Variants in CPS1 observed in about 807,000 individuals in gnomAD.
CPS1 encodes carbamoyl-phosphate synthase [ammonia], mitochondrial.
In CPS1, 109 loss-of-function variants were observed where a neutral mutation model predicts 174.6. The observed-to-expected ratio is 0.62, with a 90% confidence interval of 0.53 to 0.73. The LOEUF is 0.73. Ranked by LOEUF, CPS1 falls within the 30% of genes least tolerant of loss-of-function variation. CPS1 has a pLI of 0.00. For synonymous variants in CPS1, 637 were observed against 632.0 expected (o/e 1.01, Z -0.12); for missense variants, 1,689 against 1,821.9 (o/e 0.93, Z 1.33).
At chr2:210,639,411 G>T (rs1700139856) in intron 23 of CPS1, among the ~76,000 whole-genome samples, 196 bp downstream of exon 23, 1 of 151,684 alleles carries the variant, frequency 6.6e-6, no homozygotes, top group Non-Finnish European at 1.5e-5. Context: ...AGGAGATCGA[G>T]ACCATCCTGG....
At position 210,663,127 on chromosome 2, in the gene CPS1, C is replaced by T. The variant is rs1180534932; in HGVS notation, c.3932C>T (p.Pro1311Leu). Reference sequence around the variant, plus strand: ...TGTTTTTTTTTTTTCCAACAGGCTCCCATGTTTTCCTGGCCCCGGTTGAGG... The same window carrying T: ...TGTTTTTTTTTTTTCCAACAGGCTCTCATGTTTTCCTGGCCCCGGTTGAGG... ...IPADYVAIKA[P>L]MFSWPRLRDA... Residue 1311 changes from proline (P) to leucine (L), a missense_variant, in exon 33 of 38, where the codon CCC becomes CTC. By Grantham distance (98) the Pro-to-Leu change is moderately conservative. Coordinates refer to ENST00000233072, the MANE Select transcript of CPS1 (RefSeq NM_001875.5). 2 of 1,613,740 alleles carry T rather than the reference C, an allele frequency of 1.2e-6. No homozygotes were observed. Among genetic ancestry groups the T allele is most frequent in the Non-Finnish European group, 8.5e-7 (1 of 1,179,902 alleles).
At chr2:210,583,970 G>A (rs1165283408) in intron 6 of CPS1, among the ~76,000 whole-genome samples, 2 of 152,028 alleles carry the variant, frequency 1.3e-5, no homozygotes, top group Admixed American at 6.6e-5. Context: ...GGCTGAATGA[G>A]GTCAGGTAAA....
intron 21 of CPS1, among the ~76,000 whole-genome samples, chr2:210,635,825 T>C (rs1324963560): frequency 1.3e-5 from 2 of 152,166 alleles, no homozygotes; most frequent in Admixed American, 6.5e-5. Flanking sequence ...CACACTGATT[T>C]GAGACAGAAG....
At chr2:210,608,290 C>T (rs1185239274) in intron 18 of CPS1, 71 bp from the exon 19 acceptor site, 1 of 1,441,774 alleles carries the variant, frequency 6.9e-7, no homozygotes, top group African/African-American at 1.4e-5. Flanking sequence ...TTAAGAAAGA[C>T]CAATTTATGT....
At chr2:210,513,738 G>A (rs1055685593) in intron 1 of CPS1, among the ~76,000 whole-genome samples, 2 of 151,212 alleles carry the variant, frequency 1.3e-5, no homozygotes, top group African/African-American at 4.8e-5. Flanking sequence ...GTGCTTTTGA[G>A]GACTTAGTCA....
chr2:210,650,470 T>C (rs1202751660), intron 28 of CPS1, 32 bp downstream of exon 28: 2 of 1,424,570 alleles, frequency 1.4e-6, no homozygotes, highest in South Asian at 1.1e-5. Context: ...GTGACTGTTA[T>C]CTCTTAATAA....
intron 7 of CPS1, among the ~76,000 whole-genome samples, chr2:210,588,524 G>T (rs540244256): frequency 2.2e-4 from 34 of 152,124 alleles, no homozygotes; most frequent in African/African-American, 8.2e-4. Context: ...TGTACCACAC[G>T]TTTGTAGGAA....
chr2:210,632,820 C>G (rs1699909393), intron 21 of CPS1, among the ~76,000 whole-genome samples: 1 of 152,216 alleles, frequency 6.6e-6, no homozygotes, highest in African/African-American at 2.4e-5. Flanking sequence ...ATCCAATGAT[C>G]ACACATACCC....
At chr2:210,480,976 G>A (rs1022167129) in intron 1 of CPS1, among the ~76,000 whole-genome samples, 4 of 152,148 alleles carry the variant, frequency 2.6e-5, no homozygotes, top group South Asian at 2.1e-4. Context: ...AGCGCACTAT[G>A]GAACACTTTT....
chr2:210,637,347 A>T (rs1159744875), intron 21 of CPS1, among the ~76,000 whole-genome samples: 1 of 152,206 alleles, frequency 6.6e-6, no homozygotes, highest in Non-Finnish European at 1.5e-5. Flanking sequence ...GTTGAGGAAA[A>T]TGAAAACTGA....
At chr2:210,576,861 A>G (rs1697727743) in intron 3 of CPS1, among the ~76,000 whole-genome samples, 1 of 152,182 alleles carries the variant, frequency 6.6e-6, no homozygotes, top group South Asian at 2.1e-4. Context: ...GGGATGATTT[A>G]AAGATAGCTT....
At chr2:210,507,139 TACCCATAAAGGGAAGCCTATCAGACTA>T (rs1173941985) in intron 1 of CPS1, among the ~76,000 whole-genome samples, 1 of 152,220 alleles carries the variant, frequency 6.6e-6, no homozygotes, top group Non-Finnish European at 1.5e-5. Context: ...AAGGTCGGGT[TACCCATAAAGGGAAGCCTATCAGACTA>T]ACAATGGATC....
At chr2:210,674,775 C>T (rs1701464962) in intron 34 of CPS1, 127 bp from the exon 35 acceptor site, 1 of 805,318 alleles carries the variant, frequency 1.2e-6, no homozygotes, top group Admixed American at 1.9e-5. Context: ...TAAAACTTGT[C>T]ATTTTTTAAT....
At chr2:210,501,209 G>A (rs770497532) in intron 1 of CPS1, among the ~76,000 whole-genome samples, 9 of 152,104 alleles carry the variant, frequency 5.9e-5, no homozygotes, top group African/African-American at 1.2e-4. Flanking sequence ...AGGCCTCTGG[G>A]CCTATAATGG....
intron 28 of CPS1, among the ~76,000 whole-genome samples, chr2:210,653,512 G>A (rs1243984085): frequency 6.6e-6 from 1 of 152,082 alleles, no homozygotes. Context: ...CGAGGTAAAG[G>A]ATTTCATCTT....
chr2:210,641,870 G>A (rs778887216), intron 24 of CPS1, among the ~76,000 whole-genome samples: 9 of 152,220 alleles, frequency 5.9e-5, no homozygotes, highest in Non-Finnish European at 1.0e-4. Flanking sequence ...CCCAGTAGAC[G>A]TGATATTTTG....
At chr2:210,581,948 A>C (rs1697935176) in intron 5 of CPS1, among the ~76,000 whole-genome samples, 1 of 152,196 alleles carries the variant, frequency 6.6e-6, no homozygotes, top group South Asian at 2.1e-4. Context: ...AGTTCAAAGC[A>C]GACTTACTAA....
At chr2:210,504,337 G>A (rs1034647443) in intron 1 of CPS1, among the ~76,000 whole-genome samples, 1 of 152,086 alleles carries the variant, frequency 6.6e-6, no homozygotes, top group Admixed American at 6.5e-5. Flanking sequence ...CACCACAAAT[G>A]CAAGAAAAAA....
At chr2:210,529,528 A>G (rs1696062704) in intron 1 of CPS1, among the ~76,000 whole-genome samples, 1 of 152,034 alleles carries the variant, frequency 6.6e-6, no homozygotes, top group South Asian at 2.1e-4. Flanking sequence ...CTTAAGCCAT[A>G]ACATTAGCAT....
Sources: allele counts gnomAD v4.1 joint callset (sites outside exome capture counted in the v4.1 genomes callset), GRCh38; gene constraint gnomAD v4.1.1; transcripts MANE v1.5; gene names NCBI Gene and HGNC (gene_info 2026-07-23, HGNC 2026-07-21).